The following SH3RF1 variants were observed in gnomAD, a reference collection of about 807,000 sequenced individuals.
SH3RF1 encodes the protein E3 ubiquitin-protein ligase SH3RF1.
Under a neutral mutation model 74.0 loss-of-function variants are expected in SH3RF1, and 32 were observed. The ratio of observed to expected loss-of-function variants is 0.43; its 90% CI spans 0.33 to 0.58. SH3RF1 has a LOEUF of 0.58. SH3RF1 is among the 20% of genes least tolerant of loss of function. The pLI is 0.05. For missense variants in SH3RF1, 954 were observed against 1,130.9 expected (o/e 0.84, Z 2.24); for synonymous variants, 396 against 439.6 (o/e 0.90, Z 1.24).
intron 2 of SH3RF1, among the ~76,000 whole-genome samples, chr4:169,259,627 G>A (rs1461611867): frequency 1.3e-5 from 2 of 152,168 alleles, no homozygotes; most frequent in Non-Finnish European, 2.9e-5. Flanking sequence ...ATTTGTAAGA[G>A]AGCAGAAGAT....
In SH3RF1 at chr4:169,111,916, A is replaced by T. The variant is rs921962590; in HGVS notation, c.2139+4353T>A. 2.0e-5 allele frequency among the ~76,000 whole-genome samples: 3 copies of T among 152,256 alleles called. No individual in the cohort carries two copies. The East Asian group carries it at 5.8e-4, about 29-fold the overall frequency. ...ACAAGGACAAAAATGCAATGTCTAG[A>T]GATCCCTGAGACTTTGCACAACAGG... On this transcript the variant is annotated intron_variant, in intron 10 of 11. Coordinates refer to ENST00000284637, the MANE Select transcript of SH3RF1 (RefSeq NM_020870.4).
At chr4:169,117,933 A>G (rs1733365227) in intron 8 of SH3RF1, 151 bp from the exon 9 acceptor site, 1 of 1,033,422 alleles carries the variant, frequency 9.7e-7, no homozygotes, top group Non-Finnish European at 1.4e-6. Flanking sequence ...AGAATAGAAA[A>G]TTCAACGTAA....
chr4:169,259,188 A>G lies in SH3RF1; in HGVS notation c.393+9632T>C, dbSNP rs532317310. 5.3e-5 allele frequency among the ~76,000 whole-genome samples: 8 copies of G among 152,280 alleles called. No individual in the cohort carries two copies. In the South Asian group the frequency reaches 1.7e-3, roughly 32 times the overall value. On this transcript the variant is annotated intron_variant, in intron 2 of 11. Coordinates refer to ENST00000284637, the MANE Select transcript of SH3RF1 (RefSeq NM_020870.4). ...TTTTCTGGCAAAAAATAATAATAATAATAATTTCCTTAATCCTTAAGGAAT... is the reference window on the plus strand; with the variant it reads ...TTTTCTGGCAAAAAATAATAATAATGATAATTTCCTTAATCCTTAAGGAAT...
chr4:169,119,231 G>C (rs1579091103), intron 8 of SH3RF1, among the ~76,000 whole-genome samples: 1 of 148,478 alleles, frequency 6.7e-6, no homozygotes, highest in Non-Finnish European at 1.5e-5. Flanking sequence ...AACCTCCAAA[G>C]TAGCTGGGTC....
chr4:169,114,869 G>A (rs1051164247), intron 10 of SH3RF1, among the ~76,000 whole-genome samples: 2 of 151,998 alleles, frequency 1.3e-5, no homozygotes, highest in African/African-American at 4.8e-5. Context: ...CATTTAAATA[G>A]AACGACATAC....
intron 2 of SH3RF1, among the ~76,000 whole-genome samples, chr4:169,268,354 A>T (rs191795271): frequency 1.3e-5 from 2 of 152,310 alleles, no homozygotes; most frequent in Admixed American, 6.5e-5. Context: ...TATTCATAAA[A>T]CCAATAGAAT....
intron 2 of SH3RF1, among the ~76,000 whole-genome samples, chr4:169,251,229 T>G (rs1731099545): frequency 6.6e-6 from 1 of 152,216 alleles, no homozygotes; most frequent in Non-Finnish European, 1.5e-5. Context: ...CAAAATGCTT[T>G]CACCCTTTAG....
intron 2 of SH3RF1, among the ~76,000 whole-genome samples, chr4:169,242,144 A>G (rs1442435116): frequency 1.3e-5 from 2 of 151,906 alleles, no homozygotes; most frequent in African/African-American, 4.8e-5. Flanking sequence ...TTTGTAGAGG[A>G]GTGAAAATTA....
At chr4:169,243,179 T>C (rs537895217) in intron 2 of SH3RF1, among the ~76,000 whole-genome samples, 2 of 152,230 alleles carry the variant, frequency 1.3e-5, no homozygotes, top group South Asian at 4.1e-4. Context: ...AACTACACAA[T>C]AAAAATACCA....
chr4:169,098,102 T>C (rs925185691), intron 11 of SH3RF1, among the ~76,000 whole-genome samples: 6 of 152,246 alleles, frequency 3.9e-5, no homozygotes, highest in Admixed American at 3.3e-4. Context: ...AGCTGTTCCA[T>C]AATTATGTGA....
intron 2 of SH3RF1, among the ~76,000 whole-genome samples, chr4:169,215,056 C>T (rs1173188160): frequency 6.6e-6 from 1 of 152,078 alleles, no homozygotes; most frequent in Non-Finnish European, 1.5e-5. Flanking sequence ...GAGAAAGCTT[C>T]TCTTTTCTCC....
At chr4:169,101,348 T>G (rs1359018220) in intron 11 of SH3RF1, among the ~76,000 whole-genome samples, 1 of 152,112 alleles carries the variant, frequency 6.6e-6, no homozygotes, top group Non-Finnish European at 1.5e-5. Context: ...CTAAGTGAAA[T>G]AAGCTGCATG....
intron 2 of SH3RF1, among the ~76,000 whole-genome samples, chr4:169,179,072 C>G (rs889374590): frequency 6.6e-6 from 1 of 152,060 alleles, no homozygotes. Flanking sequence ...CCTTACATGG[C>G]AAAAGGGATT....
At chr4:169,130,998 A>T (rs1218410103) in intron 5 of SH3RF1, among the ~76,000 whole-genome samples, 1 of 152,194 alleles carries the variant, frequency 6.6e-6, no homozygotes, top group Non-Finnish European at 1.5e-5. Context: ...CTGCCTCCCT[A>T]AGAAAACAAT....
At chr4:169,184,562 G>C (rs1020001044) in intron 2 of SH3RF1, among the ~76,000 whole-genome samples, 5 of 152,136 alleles carry the variant, frequency 3.3e-5, no homozygotes, top group Admixed American at 1.3e-4. Flanking sequence ...ATTCTGAAGA[G>C]AGCTAAACCT....
intron 2 of SH3RF1, among the ~76,000 whole-genome samples, chr4:169,221,526 C>T (rs529641822): frequency 6.6e-6 from 1 of 152,192 alleles, no homozygotes; most frequent in Non-Finnish European, 1.5e-5. Flanking sequence ...AACTCAGTTC[C>T]GAGAAAAGTT....
At chr4:169,227,745 T>C (rs577599535) in intron 2 of SH3RF1, among the ~76,000 whole-genome samples, 2 of 152,148 alleles carry the variant, frequency 1.3e-5, no homozygotes, top group African/African-American at 4.8e-5. Context: ...TCTACAACCA[T>C]AGAACAGTGC....
At chr4:169,123,845 T>C (rs767981049) in intron 6 of SH3RF1, among the ~76,000 whole-genome samples, 2 of 151,932 alleles carry the variant, frequency 1.3e-5, no homozygotes, top group African/African-American at 4.8e-5. Flanking sequence ...TGAGCCAAGA[T>C]TGCGCCACTG....
chr4:169,119,971 T>C (rs913524078), intron 8 of SH3RF1, among the ~76,000 whole-genome samples: 1 of 152,216 alleles, frequency 6.6e-6, no homozygotes, highest in Non-Finnish European at 1.5e-5. Context: ...ACATAAAATA[T>C]ATAAAATTTT....
Sources: allele counts gnomAD v4.1 joint callset (sites outside exome capture counted in the v4.1 genomes callset), GRCh38; gene constraint gnomAD v4.1.1; transcripts MANE v1.5; gene names NCBI Gene and HGNC (gene_info 2026-07-23, HGNC 2026-07-21).